Variants in C8orf34 observed in about 807,000 individuals in gnomAD.
C8orf34 encodes the protein chromosome 8 open reading frame 34, also known as uncharacterized protein C8orf34.
A neutral mutation model predicts 68.3 loss-of-function variants in C8orf34; 65 were observed. The observed-to-expected ratio is 0.95, with a 90% CI of 0.78 to 1.17. The LOEUF (loss-of-function observed/expected upper bound fraction) is 1.17, where lower values mean the gene tolerates loss of function less well. Among genes scored for constraint, C8orf34 ranks in the 50% most tolerant of loss-of-function variants. The pLI is 0.00. For synonymous variants in C8orf34, 244 were observed against 241.2 expected, an observed-to-expected ratio of 1.01 and a Z score of -0.11; for missense variants, 664 against 655.4, an observed-to-expected ratio of 1.01 and a Z score of -0.14.
At chr8:68,392,759 T>A (rs1047402548) in intron 1 of C8orf34, among the ~76,000 whole-genome samples, 5 of 152,144 alleles carry the variant, frequency 3.3e-5, no homozygotes, top group African/African-American at 9.6e-5. Context: ...GTTTGAAGAA[T>A]ATGCTTATGG....
At chr8:68,430,656 G>A (rs1041262479) in intron 1 of C8orf34, among the ~76,000 whole-genome samples, 5 of 152,124 alleles carry the variant, frequency 3.3e-5, no homozygotes, top group Non-Finnish European at 7.4e-5. Flanking sequence ...CGTGACCACC[G>A]TAACTGGAGA....
chr8:68,766,656 T>C (rs1169500664), intron 10 of C8orf34, among the ~76,000 whole-genome samples: 1 of 152,198 alleles, frequency 6.6e-6, no homozygotes, highest in Admixed American at 6.5e-5. Flanking sequence ...GGCACATATC[T>C]TGGAGATATA....
chr8:68,464,602 A>C (rs1456737270), intron 3 of C8orf34, among the ~76,000 whole-genome samples: 1 of 152,124 alleles, frequency 6.6e-6, no homozygotes, highest in Non-Finnish European at 1.5e-5. Context: ...CAAAACAGAG[A>C]TATTGATCAA....
chr8:68,390,392 C>CT (rs961388748), intron 1 of C8orf34, among the ~76,000 whole-genome samples: 112 of 152,114 alleles, frequency 7.4e-4, no homozygotes, highest in African/African-American at 2.6e-3. Context: ...CACTTGCTTT[C>CT]TAAATATATC....
At chr8:68,377,602 T>C (rs1452032582) in intron 1 of C8orf34, among the ~76,000 whole-genome samples, 2 of 152,104 alleles carry the variant, frequency 1.3e-5, no homozygotes, top group Non-Finnish European at 2.9e-5. Context: ...GACAATATCC[T>C]ATATTAAATG....
chr8:68,622,893 C>T (rs1022426852), intron 7 of C8orf34, among the ~76,000 whole-genome samples: 2 of 152,184 alleles, frequency 1.3e-5, no homozygotes, highest in Non-Finnish European at 2.9e-5. Flanking sequence ...AGTGTCATGA[C>T]ATTTTCCATA....
intron 1 of C8orf34, among the ~76,000 whole-genome samples, chr8:68,427,765 A>G (rs1810290692): frequency 6.6e-6 from 1 of 151,992 alleles, no homozygotes; most frequent in Non-Finnish European, 1.5e-5. Context: ...ATCATATTAT[A>G]ATTTTTCAAG....
chr8:68,648,551 C>A (rs533387619), intron 8 of C8orf34, among the ~76,000 whole-genome samples: 121 of 152,296 alleles, frequency 7.9e-4, no homozygotes, highest in African/African-American at 2.8e-3. Flanking sequence ...TGGACTCATG[C>A]CAGGGCATTC....
In C8orf34 at chr8:68,467,304, T is replaced by C. The variant is rs145315620; in HGVS notation, c.608-1388T>C. ...CATAAGATGTCCAACTATTCTAGAA[T>C]TGACAGTTCTCTTGCTTTTCTGTTT... On this transcript the variant is annotated intron_variant, in intron 3 of 13. Coordinates refer to ENST00000518698, the MANE Select transcript of C8orf34 (RefSeq NM_052958.4). 5.5e-3 allele frequency among the ~76,000 whole-genome samples: 841 copies of C among 152,206 alleles called. 7 individuals carry two copies. The highest frequency in any genetic ancestry group is 0.018 in the African/African-American group (742 of 41,556).
At chr8:68,463,591 C>T (rs910786040) in intron 3 of C8orf34, among the ~76,000 whole-genome samples, 1 of 152,164 alleles carries the variant, frequency 6.6e-6, no homozygotes, top group Non-Finnish European at 1.5e-5. Context: ...AGCTTATCCA[C>T]CATGATCAAC....
intron 6 of C8orf34, chr8:68,525,550 G>T (rs1814938648): frequency 1.1e-6 from 1 of 901,978 alleles, no homozygotes; most frequent in Admixed American, 1.8e-5. Context: ...TCCCTCCTGT[G>T]TGTCTTCGTC....
intron 3 of C8orf34, among the ~76,000 whole-genome samples, chr8:68,465,907 T>C (rs1245039395): frequency 6.6e-6 from 1 of 151,580 alleles, no homozygotes; most frequent in Non-Finnish European, 1.5e-5. Flanking sequence ...CATATGTAAC[T>C]GACCTGCACA....
chr8:68,552,755 TGTTAA>T (rs1467747756), intron 7 of C8orf34, among the ~76,000 whole-genome samples: 2 of 152,154 alleles, frequency 1.3e-5, no homozygotes, highest in Non-Finnish European at 2.9e-5. Flanking sequence ...ATTTCTAGTT[TGTTAA>T]GTTGTTGTTG....
chr8:68,449,599 C>A (rs934899616), intron 3 of C8orf34, among the ~76,000 whole-genome samples: 79 of 152,114 alleles, frequency 5.2e-4, no homozygotes, highest in African/African-American at 1.9e-3. Context: ...TTTCCCAGCA[C>A]ATAAAAAAGT....
At chr8:68,685,134 CAT>C (rs1358588487) in intron 8 of C8orf34, among the ~76,000 whole-genome samples, 4 of 152,062 alleles carry the variant, frequency 2.6e-5, no homozygotes, top group African/African-American at 9.7e-5. Flanking sequence ...ACTACGGTAA[CAT>C]ATATGTACTT....
intron 7 of C8orf34, among the ~76,000 whole-genome samples, chr8:68,567,090 T>A (rs1035131555): frequency 6.6e-6 from 1 of 152,214 alleles, no homozygotes; most frequent in African/African-American, 2.4e-5. Flanking sequence ...TAGTTTTCTT[T>A]TTTGGTTGTG....
At chr8:68,583,451 G>A (rs1817123199) in intron 7 of C8orf34, among the ~76,000 whole-genome samples, 1 of 152,078 alleles carries the variant, frequency 6.6e-6, no homozygotes, top group African/African-American at 2.4e-5. Context: ...TTTAATATTT[G>A]AATCCAATTC....
rs138749223 is a variant in C8orf34 at position 68,756,279 on chromosome 8, T to C, written c.1405-20120T>C. Among the ~76,000 whole-genome samples, 386 of 152,302 alleles carry C rather than the reference T, an allele frequency of 2.5e-3. 1 individual carries two copies. The highest frequency in any genetic ancestry group is 8.5e-3 in the African/African-American group (355 of 41,566). ...CTACATTTGCAGCCTCAAAGGGATATAAATGCTCTGATGCTATAGATCACT... is the reference window on the plus strand; with the variant it reads ...CTACATTTGCAGCCTCAAAGGGATACAAATGCTCTGATGCTATAGATCACT... On this transcript the variant is annotated intron_variant, in intron 10 of 13. Coordinates refer to ENST00000518698, the MANE Select transcript of C8orf34 (RefSeq NM_052958.4).
intron 8 of C8orf34, among the ~76,000 whole-genome samples, chr8:68,659,360 C>G (rs1301879736): frequency 1.3e-5 from 2 of 152,186 alleles, no homozygotes; most frequent in African/African-American, 4.8e-5. Context: ...TCTTTCCAGC[C>G]TCTTTTGCCT....
Sources: gnomAD v4.1 joint callset for allele counts (sites outside exome capture counted in the v4.1 genomes callset) on GRCh38, gnomAD v4.1.1 for gene constraint, MANE v1.5 for transcripts, NCBI Gene and HGNC (gene_info 2026-07-23, HGNC 2026-07-21) for gene names.